The following ORC6 variants were observed in gnomAD, a reference collection of about 807,000 sequenced individuals.
ORC6 encodes the protein origin recognition complex subunit 6.
A neutral mutation model predicts 30.0 loss-of-function variants in ORC6; 31 were observed. The observed-to-expected ratio is 1.03, with a 90% CI of 0.78 to 1.40. The LOEUF is 1.40. ORC6 is among the 40% of genes most tolerant of loss of function. The pLI is 0.00. For missense variants in ORC6, 340 were observed against 304.3 expected, an observed-to-expected ratio of 1.12 and a Z score of -0.87; for synonymous variants, 136 against 111.2, an observed-to-expected ratio of 1.22 and a Z score of -1.40.
At chr16:46,697,073 T>G (rs1284730965) in intron 6 of ORC6, among the ~76,000 whole-genome samples, 1 of 152,224 alleles carries the variant, frequency 6.6e-6, no homozygotes, top group Non-Finnish European at 1.5e-5. Context: ...GAAATAATGC[T>G]ATTTAAAGTA....
intron 1 of ORC6, among the ~76,000 whole-genome samples, chr16:46,690,274 G>A (rs1392235607): frequency 1.3e-5 from 2 of 152,242 alleles, no homozygotes; most frequent in Non-Finnish European, 2.9e-5. Context: ...GATGGCAGAT[G>A]CTAGGCGAGG....
intron 6 of ORC6, 58 bp from the exon 7 acceptor site, chr16:46,697,400 T>C: frequency 6.7e-7 from 1 of 1,482,788 alleles, no homozygotes; most frequent in East Asian, 2.3e-5. Flanking sequence ...TTTACCTTTT[T>C]TTAAATTTCA....
At chr16:46,693,210 A>C in intron 4 of ORC6, 28 bp downstream of exon 4, 1 of 1,478,934 alleles carries the variant, frequency 6.8e-7, no homozygotes, top group Non-Finnish European at 9.5e-7. Flanking sequence ...CATTCAGAAA[A>C]GTTACCAATT....
chr16:46,697,394 C>A, intron 6 of ORC6, 64 bp from the exon 7 acceptor site: 1 of 1,412,448 alleles, frequency 7.1e-7, no homozygotes, highest in Non-Finnish European at 9.8e-7. Flanking sequence ...AACAAGTTTA[C>A]CTTTTTTTAA....
chr16:46,689,852 G>A, intron 1 of ORC6, 82 bp downstream of exon 1: 1 of 1,462,070 alleles, frequency 6.8e-7, no homozygotes, highest in South Asian at 1.4e-5. Flanking sequence ...CCCTTCCCAG[G>A]CGACGGGCGG....
chr16:46,693,479 A>G (rs1473355858), intron 4 of ORC6: 2 of 455,728 alleles, frequency 4.4e-6, no homozygotes, highest in Non-Finnish European at 4.0e-6. Context: ...CAGTCTTCAC[A>G]TGTGATTTTT....
At chr16:46,690,288 G>T (rs947565670) in intron 1 of ORC6, among the ~76,000 whole-genome samples, 6 of 152,248 alleles carry the variant, frequency 3.9e-5, no homozygotes, top group African/African-American at 1.4e-4. Flanking sequence ...GGCGAGGAAA[G>T]ATATGGCAAG....
At chr16:46,697,358 G>A (rs1221926859) in intron 6 of ORC6, 100 bp from the exon 7 acceptor site, 2 of 1,102,486 alleles carry the variant, frequency 1.8e-6, no homozygotes, top group African/African-American at 3.2e-5. Flanking sequence ...TGTCATTTCA[G>A]TATCTTTTCT....
chr16:46,697,948 C>T lies in ORC6; in HGVS notation c.*363C>T, dbSNP rs768612856. ...TGGCCAACATGGTGAAACCCCATCTCTACTAAAAATACAAAAATTAGCCAG... is the reference window on the plus strand; with the variant it reads ...TGGCCAACATGGTGAAACCCCATCTTTACTAAAAATACAAAAATTAGCCAG... On this transcript the variant is annotated 3_prime_UTR_variant, in exon 7 of 7. Coordinates refer to ENST00000219097, the MANE Select transcript of ORC6 (RefSeq NM_014321.4). 17 of 444,056 alleles carry T rather than the reference C, an allele frequency of 3.8e-5. No individual in the cohort carries two copies. The highest frequency in any genetic ancestry group is 1.4e-5 in the Non-Finnish European group (3 of 220,242). The allele number at this position is 444,056 out of a possible 1,614,324, so 27.5% of individuals were successfully genotyped here. A position where few individuals can be genotyped will look rare whatever the true frequency, so the allele number is the denominator to read the frequency against.
chr16:46,690,771 C>A, intron 1 of ORC6: 1 of 598,306 alleles, frequency 1.7e-6, no homozygotes, highest in Admixed American at 2.6e-5. Flanking sequence ...CAAAATTTAA[C>A]TTCCTTTTGC....
Position 46,696,048 on chromosome 16 carries a change from G to C in ORC6, c.594G>C (p.Arg198=), listed in dbSNP as rs1966514389. ...REPGDVATPP[R]KRKKIVVEAP... ...CTGGAGATGTAGCTACTCCACCACG[G>C]AAGAGAAAGAAGATAGTGGTTGAAG... The change falls in exon 6 of 7, where the codon CGG becomes CGC. Residue 198 remains arginine, a synonymous_variant. Coordinates refer to ENST00000219097, the MANE Select transcript of ORC6 (RefSeq NM_014321.4). The C allele has an allele frequency of 6.2e-7, 1 of 1,613,460 alleles. No homozygotes were observed. The highest frequency in any genetic ancestry group is 8.5e-7 in the Non-Finnish European group (1 of 1,179,462).
intron 3 of ORC6, 56 bp from the exon 4 acceptor site, chr16:46,693,037 G>T: frequency 1.7e-6 from 2 of 1,167,104 alleles, no homozygotes; most frequent in Non-Finnish European, 2.6e-6. Context: ...GATACTTTCA[G>T]TCTCTTTTCA....
rs1035491459 is a variant in ORC6, at chr16:46,697,674, T to C, written c.*89T>C. On this transcript the variant is annotated 3_prime_UTR_variant, in exon 7 of 7. Transcript: ENST00000219097. ...GACGGCTTTGGGATTTTGTTTAAAC[T>C]TTTATAATAAGGATCCTAAGACTGT... 9 of 1,392,618 alleles carry C rather than the reference T, an allele frequency of 6.5e-6. No individual in the cohort carries two copies. The highest frequency in any genetic ancestry group is 9.2e-6 in the Non-Finnish European group (9 of 980,474). The allele number at this position is 1,392,618 out of a possible 1,614,324, so 86.3% of individuals were successfully genotyped here.
At chr16:46,697,375 G>T in intron 6 of ORC6, 83 bp from the exon 7 acceptor site, 1 of 1,264,578 alleles carries the variant, frequency 7.9e-7, no homozygotes, top group South Asian at 1.3e-5. Flanking sequence ...TTCTATTTTA[G>T]ACAATTTAAA....
Position 46,698,183 on chromosome 16 carries a change from GGATAGATA to G in ORC6, c.*623_*630del, listed in dbSNP as rs60635029. Reference sequence around the variant, plus strand: ...CTTATAGATAGATAGATAGATAGATGGATAGATAGATAGATAGATAGATAGATAGATAA... The same window carrying G: ...CTTATAGATAGATAGATAGATAGATGGATAGATAGATAGATAGATAGATAA... On this transcript the variant is annotated 3_prime_UTR_variant, in exon 7 of 7. Transcript: ENST00000219097. 2,196 of 430,540 alleles carry G rather than the reference GGATAGATA, an allele frequency of 5.1e-3. 32 individuals are homozygous for G. Among genetic ancestry groups the G allele is most frequent in the African/African-American group, 0.038 (1,809 of 47,772 alleles). 26.7% of individuals were successfully genotyped at this position (430,540 alleles called of 1,614,324 possible).
chr16:46,689,856 C>A, intron 1 of ORC6, 86 bp downstream of exon 1: 1 of 1,435,568 alleles, frequency 7.0e-7, no homozygotes. Context: ...TCCCAGGCGA[C>A]GGGCGGCGGG....
rs753539197 is a variant in ORC6, at chr16:46,698,182, T to TA, written c.*597_*598insA. 670 of 447,380 alleles carry TA rather than the reference T, an allele frequency of 1.5e-3. No homozygotes were observed. The highest frequency in any genetic ancestry group is 2.1e-3 in the African/African-American group (103 of 48,496). 27.7% of individuals were successfully genotyped at this position (447,380 alleles called of 1,614,324 possible). On this transcript the variant is annotated 3_prime_UTR_variant, in exon 7 of 7. Coordinates refer to ENST00000219097, the MANE Select transcript of ORC6 (RefSeq NM_014321.4). Reference sequence around the variant, plus strand: ...ACTTATAGATAGATAGATAGATAGATGGATAGATAGATAGATAGATAGATA... The same window carrying TA: ...ACTTATAGATAGATAGATAGATAGATAGGATAGATAGATAGATAGATAGATA...
chr16:46,690,855 T>G, intron 1 of ORC6, 136 bp from the exon 2 acceptor site: 1 of 861,408 alleles, frequency 1.2e-6, no homozygotes, highest in South Asian at 1.4e-5. Flanking sequence ...GGATATGACC[T>G]TCATTCCCAG....
rs1293079339 is a variant in ORC6, at chr16:46,694,496, C to G, written c.450-1066C>G. 8 of 143,044 alleles carry G rather than the reference C, an allele frequency of 5.6e-5. No homozygotes were observed. In the East Asian group the frequency reaches 1.5e-3, roughly 27 times the overall value. 8.9% of individuals were successfully genotyped at this position (143,044 alleles called of 1,614,324 possible). ...GGCTGGCCGGGCGGGGGGGCTGACC[C>G]CCCCCACCTCCTTCCTGGACGGGGC... On this transcript the variant is annotated intron_variant, in intron 4 of 6. Coordinates refer to ENST00000219097, the MANE Select transcript of ORC6 (RefSeq NM_014321.4).
Sources: gnomAD v4.1 joint callset for allele counts (sites outside exome capture counted in the v4.1 genomes callset) on GRCh38, gnomAD v4.1.1 for gene constraint, MANE v1.5 for transcripts, NCBI Gene and HGNC (gene_info 2026-07-23, HGNC 2026-07-21) for gene names.